KDM4C: variants seen among roughly 807,000 people sequenced by gnomAD.
KDM4C encodes the protein lysine demethylase 4C, also known as lysine-specific demethylase 4C.
KDM4C carries 81 observed loss-of-function variants against 129.3 expected under a neutral mutation model. That is an observed-to-expected ratio of 0.63 (90% confidence interval 0.52 to 0.75). The LOEUF (loss-of-function observed/expected upper bound fraction) is 0.75. Among genes scored for constraint, KDM4C ranks in the 30% least tolerant of loss-of-function variants. The pLI is 0.00. For missense variants in KDM4C, 1,457 were observed against 1,304.0 expected, an observed-to-expected ratio of 1.12 and a Z score of -1.81; for synonymous variants, 573 against 456.1, an observed-to-expected ratio of 1.26 and a Z score of -3.26.
intron 17 of KDM4C, among the ~76,000 whole-genome samples, chr9:7,093,579 G>GT (rs1338166544): frequency 2.0e-5 from 3 of 151,966 alleles, no homozygotes; most frequent in East Asian, 1.9e-4. Flanking sequence ...CTTCATCTGG[G>GT]TTTTTTTGTG....
chr9:7,007,672 T>A (rs749018861), intron 12 of KDM4C, among the ~76,000 whole-genome samples: 2 of 152,212 alleles, frequency 1.3e-5, no homozygotes, highest in South Asian at 2.1e-4. Context: ...CTCAGTCTTT[T>A]TGGTCTCAGG....
chr9:6,763,036 G>C (rs147623579), intron 1 of KDM4C, among the ~76,000 whole-genome samples: 268 of 152,004 alleles, frequency 1.8e-3, no homozygotes, highest in Admixed American at 2.6e-3. Context: ...CCGCTGGTGG[G>C]GGGGGATGGA....
At chr9:7,169,118 C>G (rs1042695665) in intron 20 of KDM4C, among the ~76,000 whole-genome samples, 1 of 150,866 alleles carries the variant, frequency 6.6e-6, no homozygotes, top group Non-Finnish European at 1.5e-5. Flanking sequence ...CTCCTTGTTA[C>G]GTTGTCAGAG....
intron 1 of KDM4C, among the ~76,000 whole-genome samples, chr9:6,787,869 A>C (rs891998842): frequency 6.6e-6 from 1 of 152,226 alleles, no homozygotes; most frequent in Non-Finnish European, 1.5e-5. Flanking sequence ...AGTACCAAGA[A>C]CTGGATAACT....
intron 1 of KDM4C, among the ~76,000 whole-genome samples, chr9:6,746,621 C>T (rs893260686): frequency 2.0e-5 from 3 of 151,084 alleles, no homozygotes; most frequent in East Asian, 2.0e-4. Context: ...GCCTCACGCC[C>T]GAAATCCCAG....
Position 6,924,733 on chromosome 9 carries a change from C to T in KDM4C, c.921+31501C>T, listed in dbSNP as rs1052902233. ...CCTGGGAAACTCCTGTGGATTTTGTCTGAGGAGTTTTTATTAAACACAAAA... is the reference window on the plus strand; with the variant it reads ...CCTGGGAAACTCCTGTGGATTTTGTTTGAGGAGTTTTTATTAAACACAAAA... On this transcript the variant is annotated intron_variant, in intron 8 of 21. Transcript: ENST00000381309. The T allele has an allele frequency of 1.1e-5, 11 of 981,538 alleles. No individual in the cohort carries two copies. In the Admixed American group the frequency reaches 5.5e-4, roughly 49 times the overall value. The allele number at this position is 981,538 out of a possible 1,614,324, so 60.8% of individuals were successfully genotyped here.
chr9:7,091,232 C>G (rs1272113164), intron 17 of KDM4C, among the ~76,000 whole-genome samples: 1 of 151,844 alleles, frequency 6.6e-6, no homozygotes, highest in Non-Finnish European at 1.5e-5. Flanking sequence ...TAACCCAGTA[C>G]AAGTCTAGAG....
chr9:6,785,617 A>G (rs151213267), intron 1 of KDM4C, among the ~76,000 whole-genome samples: 1,672 of 152,314 alleles, frequency 0.011, 17 homozygotes, highest in Non-Finnish European at 0.017. Context: ...GATTACAGGC[A>G]TGAGCCACTG....
chr9:7,007,106 A>G (rs1490440217), intron 12 of KDM4C, among the ~76,000 whole-genome samples: 1 of 152,240 alleles, frequency 6.6e-6, no homozygotes, highest in Non-Finnish European at 1.5e-5. Flanking sequence ...TTTAGGCGCT[A>G]GCCCTCTTAC....
chr9:7,087,045 C>G (rs1835202180), intron 17 of KDM4C, among the ~76,000 whole-genome samples: 1 of 151,402 alleles, frequency 6.6e-6, no homozygotes, highest in South Asian at 2.1e-4. Context: ...GGGAATGAAT[C>G]AAGTAGGTGG....
intron 17 of KDM4C, among the ~76,000 whole-genome samples, chr9:7,072,203 G>C (rs1384484346): frequency 6.6e-6 from 1 of 152,130 alleles, no homozygotes. Flanking sequence ...AATTGCTTGT[G>C]GTAATGCAAA....
chr9:7,149,967 A>G (rs1363017182), intron 19 of KDM4C, among the ~76,000 whole-genome samples: 1 of 152,176 alleles, frequency 6.6e-6, no homozygotes, highest in Non-Finnish European at 1.5e-5. Context: ...AAGATTTCCT[A>G]TTTTGGCTCC....
At chr9:6,836,123 A>G (rs545099886) in intron 4 of KDM4C, among the ~76,000 whole-genome samples, 1 of 152,234 alleles carries the variant, frequency 6.6e-6, no homozygotes, top group South Asian at 2.1e-4. Context: ...GCTTACCTGT[A>G]CACTGACTTG....
chr9:6,935,869 C>T (rs1824688407), intron 8 of KDM4C, among the ~76,000 whole-genome samples: 3 of 152,082 alleles, frequency 2.0e-5, no homozygotes. Context: ...CAACAAGAAA[C>T]TTATATTCCA....
chr9:7,131,264 A>T (rs1337404045), intron 19 of KDM4C, among the ~76,000 whole-genome samples: 1 of 152,142 alleles, frequency 6.6e-6, no homozygotes, highest in Non-Finnish European at 1.5e-5. Flanking sequence ...TATACTTTCT[A>T]ACAGTGTCAC....
chr9:7,035,573 T>G (rs1827502127), intron 15 of KDM4C, among the ~76,000 whole-genome samples: 1 of 152,108 alleles, frequency 6.6e-6, no homozygotes, highest in Non-Finnish European at 1.5e-5. Context: ...ACCAATGTCC[T>G]GAAGTGTTTC....
At chr9:7,108,390 C>G (rs1034300643) in intron 18 of KDM4C, among the ~76,000 whole-genome samples, 1 of 152,102 alleles carries the variant, frequency 6.6e-6, no homozygotes, top group Non-Finnish European at 1.5e-5. Context: ...GTGTGCGCCC[C>G]CATGTCCTGC....
At chr9:6,967,393 C>G (rs1454807637) in intron 8 of KDM4C, among the ~76,000 whole-genome samples, 1 of 149,934 alleles carries the variant, frequency 6.7e-6, no homozygotes, top group Non-Finnish European at 1.5e-5. Flanking sequence ...CGCTGCACTC[C>G]TGCCTGGGTG....
intron 20 of KDM4C, among the ~76,000 whole-genome samples, chr9:7,166,523 T>C (rs1201482260): frequency 6.6e-6 from 1 of 152,094 alleles, no homozygotes; most frequent in African/African-American, 2.4e-5. Flanking sequence ...AGTCTCAAGA[T>C]ACAAATTCAA....
Sources: allele counts gnomAD v4.1 joint callset (sites outside exome capture counted in the v4.1 genomes callset), GRCh38; gene constraint gnomAD v4.1.1; transcripts MANE v1.5; gene names NCBI Gene and HGNC (gene_info 2026-07-23, HGNC 2026-07-21).